Variants in ITGB5 observed in about 807,000 individuals in gnomAD.
ITGB5 encodes integrin beta-5.
Under a neutral mutation model 84.8 loss-of-function variants are expected in ITGB5, and 38 were observed. That is an observed-to-expected ratio of 0.45 (90% CI 0.35 to 0.59). The LOEUF is 0.59. ITGB5 is among the 20% of genes least tolerant of loss of function. The pLI is 0.01. For missense variants in ITGB5, 905 were observed against 1,034.5 expected (o/e 0.87, Z 1.72); for synonymous variants, 393 against 414.4 (o/e 0.95, Z 0.63).
intron 1 of ITGB5, among the ~76,000 whole-genome samples, chr3:124,874,306 G>GAAAAAAAAAAAAAAAAAAAGA (rs1934200281): frequency 8.8e-6 from 1 of 113,388 alleles, no homozygotes; most frequent in East Asian, 2.7e-4. Context: ...TCAAAAGCCG[G>GAAAAAAAAAAAAAAAAAAAGA]AAAAAAAAAA....
rs1935040061 is a variant in ITGB5 at position 124,893,371 on chromosome 3, G to A, written c.-255+7895C>T. Among the ~76,000 whole-genome samples, 3 of 152,262 alleles carry A rather than the reference G, an allele frequency of 2.0e-5. No individual in the cohort carries two copies. In the South Asian group the frequency reaches 6.2e-4, roughly 32 times the overall value. On this transcript the variant is annotated intron_variant, in intron 1 of 4. Coordinates refer to the ITGB5 transcript ENST00000608657. ...TGCAGTGAGCCAAGATCGCACCCCT[G>A]CACTCCAGCCTGGACAACAGAGTGA...
intron 9 of ITGB5, 42 bp downstream of exon 9, chr3:124,808,980 C>T: frequency 6.3e-7 from 1 of 1,595,396 alleles, no homozygotes; most frequent in East Asian, 2.2e-5. Flanking sequence ...GACTGATGAC[C>T]AATGCTAACA....
chr3:124,808,005 TG>T (rs2064436474), intron 9 of ITGB5, among the ~76,000 whole-genome samples: 2 of 112,126 alleles, frequency 1.8e-5, no homozygotes, highest in African/African-American at 6.7e-5. Flanking sequence ...TGTTGTGAAG[TG>T]GGTGAGGGAC....
chr3:124,842,092 T>C (rs1398133929), intron 4 of ITGB5, among the ~76,000 whole-genome samples: 1 of 152,250 alleles, frequency 6.6e-6, no homozygotes, highest in Non-Finnish European at 1.5e-5. Flanking sequence ...CATGGACAAA[T>C]GCTGAATGGA....
At chr3:124,868,050 G>A (rs1390012658) in intron 2 of ITGB5, among the ~76,000 whole-genome samples, 1 of 152,224 alleles carries the variant, frequency 6.6e-6, no homozygotes, top group African/African-American at 2.4e-5. Flanking sequence ...AGTTTCATAA[G>A]GGGCTCTTCC....
intron 5 of ITGB5, among the ~76,000 whole-genome samples, chr3:124,829,381 G>A (rs563173588): frequency 2.1e-4 from 32 of 152,216 alleles, no homozygotes; most frequent in African/African-American, 6.5e-4. Context: ...CGCACTGGAC[G>A]CAGATGCATG....
Position 124,795,127 on chromosome 3 carries a change from G to A in ITGB5, c.1693+1261C>T, listed in dbSNP as rs114017693. Among the ~76,000 whole-genome samples, 1,143 of 152,294 alleles carry A rather than the reference G, an allele frequency of 7.5e-3. 12 individuals carry two copies. The highest frequency in any genetic ancestry group is 0.024 in the African/African-American group (984 of 41,574). The stretch of plus-strand genomic sequence containing the variant: ...TTTTAGATGTTTGACAGGTTGTCAC[G>A]TGGAAGGGGGACTCTAGAATGTTAA... On this transcript the variant is annotated intron_variant, in intron 10 of 14. Transcript: ENST00000296181.
chr3:124,818,192 G>A (rs976103133), intron 7 of ITGB5, among the ~76,000 whole-genome samples: 2 of 152,024 alleles, frequency 1.3e-5, no homozygotes, highest in African/African-American at 2.4e-5. Flanking sequence ...GAAGCTGAGA[G>A]AACGAATGGC....
At chr3:124,827,552 T>C (rs1318965717) in intron 5 of ITGB5, among the ~76,000 whole-genome samples, 2 of 152,228 alleles carry the variant, frequency 1.3e-5, no homozygotes, top group Non-Finnish European at 2.9e-5. Context: ...CTTTACAGTA[T>C]CTAAAATTTA....
intron 1 of ITGB5, among the ~76,000 whole-genome samples, chr3:124,885,212 G>C (rs1409023546): frequency 1.3e-5 from 2 of 152,096 alleles, no homozygotes; most frequent in African/African-American, 4.8e-5. Context: ...GGAGGTTGCA[G>C]TGAGCCGAGA....
At chr3:124,824,854 T>C (rs2064760389) in intron 5 of ITGB5, among the ~76,000 whole-genome samples, 1 of 152,172 alleles carries the variant, frequency 6.6e-6, no homozygotes, top group African/African-American at 2.4e-5. Context: ...TAGATCCGTA[T>C]TTGAATAGCA....
chr3:124,829,657 G>A (rs59749326), intron 5 of ITGB5, among the ~76,000 whole-genome samples: 5,933 of 152,128 alleles, frequency 0.039, 276 homozygotes, highest in East Asian at 0.11. Context: ...TCCCAGCCTC[G>A]CTCTGATCTC....
At chr3:124,889,123 C>A (rs1934936797), upstream of ITGB5, among the ~76,000 whole-genome samples, 2 of 152,220 alleles carry the variant, frequency 1.3e-5, no homozygotes, top group South Asian at 4.1e-4. Flanking sequence ...ATACCTCCCT[C>A]ACAATTTACC....
intron 4 of ITGB5, among the ~76,000 whole-genome samples, chr3:124,843,175 C>A (rs575482457): frequency 5.9e-4 from 90 of 152,262 alleles, no homozygotes; most frequent in African/African-American, 2.2e-3. Context: ...ATGAAAAGAA[C>A]AATCATGGAA....
Position 124,796,694 on chromosome 3 carries a change from A to C in ITGB5, c.1387T>G (p.Cys463Gly). The stretch of plus-strand genomic sequence containing the variant: ...GGTTCCAGCCCCACGCTGCAGCCGC[A>C]CGTGCAGTTGTAGGTGACCCCCACC... The part of the protein sequence containing the change: ...LEVGVTYNCT[C>G]GCSVGLEPNS... Residue 463 changes from cysteine to glycine, a missense_variant, in exon 10 of 15, where the codon TGC (cysteine) becomes GGC (glycine). By Grantham distance (159) the Cys-to-Gly change is radical. Coordinates refer to ENST00000296181, the MANE Select transcript of ITGB5 (RefSeq NM_002213.5). 1 of 1,614,046 alleles carries C rather than the reference A, an allele frequency of 6.2e-7. No homozygotes were observed. Among genetic ancestry groups the C allele is most frequent in the East Asian group, 2.2e-5 (1 of 44,864 alleles).
intron 2 of ITGB5, 73 bp downstream of exon 2, chr3:124,873,373 G>A: frequency 1.0e-6 from 1 of 956,620 alleles, no homozygotes; most frequent in Non-Finnish European, 1.7e-6. Flanking sequence ...AGTGTGTTGT[G>A]GTGTTGGCCT....
At chr3:124,821,569 G>T in intron 5 of ITGB5, 95 bp from the exon 6 acceptor site, 1 of 1,333,010 alleles carries the variant, frequency 7.5e-7, no homozygotes. Context: ...GTCACGGCCT[G>T]AATCAGAGGC....
At chr3:124,896,188 A>C (rs567554652) in intron 1 of ITGB5, among the ~76,000 whole-genome samples, 3 of 152,340 alleles carry the variant, frequency 2.0e-5, no homozygotes, top group African/African-American at 7.2e-5. Flanking sequence ...AGGCTGTCCC[A>C]AGAGGCCTCC....
In ITGB5 at chr3:124,763,298, C is replaced by A; in HGVS notation, c.*325G>T. The stretch of plus-strand genomic sequence containing the variant: ...CTGGCCAGGCTGGGGGCCCAGCATT[C>A]CTGGAAGGGAGAGACAGCCCAGCAT... On this transcript the variant is annotated 3_prime_UTR_variant, in exon 15 of 15. Coordinates refer to ENST00000296181, the MANE Select transcript of ITGB5 (RefSeq NM_002213.5). The A allele has an allele frequency of 4.5e-6, 1 of 221,570 alleles. No homozygotes were observed. Among genetic ancestry groups the A allele is most frequent in the African/African-American group, 2.3e-5 (1 of 44,248 alleles). 13.7% of individuals were successfully genotyped at this position (221,570 alleles called of 1,614,324 possible).
Sources: gnomAD v4.1 joint callset for allele counts (sites outside exome capture counted in the v4.1 genomes callset) on GRCh38, gnomAD v4.1.1 for gene constraint, MANE v1.5 for transcripts, NCBI Gene and HGNC (gene_info 2026-07-23, HGNC 2026-07-21) for gene names.